XXYLT1: variants seen among roughly 807,000 people sequenced by gnomAD.
XXYLT1 encodes xyloside xylosyltransferase 1.
A neutral mutation model predicts 28.9 loss-of-function variants in XXYLT1; 20 were observed. The ratio of observed to expected loss-of-function variants is 0.69; its 90% CI spans 0.49 to 1.00. The LOEUF is 1.00. Ranked by LOEUF, XXYLT1 falls within the 50% of genes least tolerant of loss-of-function variation. XXYLT1 has a pLI of 0.00. For missense variants in XXYLT1, 542 were observed against 560.1 expected, an observed-to-expected ratio of 0.97 and a Z score of 0.33; for synonymous variants, 257 against 253.8, an observed-to-expected ratio of 1.01 and a Z score of -0.12.
intron 1 of XXYLT1, among the ~76,000 whole-genome samples, chr3:195,228,614 A>G (rs113792251): frequency 0.078 from 11,485 of 147,216 alleles, 674 homozygotes; most frequent in African/African-American, 0.16. Flanking sequence ...TCAGCCTCCC[A>G]AGTATCTGGG....
At chr3:195,107,890 G>A (rs1216714086) in intron 3 of XXYLT1, among the ~76,000 whole-genome samples, 10 of 151,982 alleles carry the variant, frequency 6.6e-5, no homozygotes, top group East Asian at 5.8e-4. Flanking sequence ...CCAGGCCTCC[G>A]CACAGTGGGG....
intron 3 of XXYLT1, among the ~76,000 whole-genome samples, chr3:195,108,097 T>C (rs1175776248): frequency 6.6e-6 from 1 of 152,232 alleles, no homozygotes; most frequent in Non-Finnish European, 1.5e-5. Context: ...TGGCCTTTCA[T>C]CTTACAGAGA....
intron 1 of XXYLT1, among the ~76,000 whole-genome samples, chr3:195,241,542 C>T (rs1187484035): frequency 6.6e-6 from 1 of 152,138 alleles, no homozygotes; most frequent in African/African-American, 2.4e-5. Context: ...TTCCAATTAA[C>T]CTGCACCAAG....
intron 2 of XXYLT1, among the ~76,000 whole-genome samples, chr3:195,191,249 C>G (rs574418863): frequency 6.6e-6 from 1 of 152,160 alleles, no homozygotes; most frequent in Admixed American, 6.5e-5. Context: ...CCTTCCACCT[C>G]CTCCACCTCT....
chr3:195,105,432 A>C (rs1313032311), intron 3 of XXYLT1, among the ~76,000 whole-genome samples: 1 of 152,250 alleles, frequency 6.6e-6, no homozygotes, highest in Non-Finnish European at 1.5e-5. Context: ...AGAAACAGAC[A>C]TATCTACACA....
intron 2 of XXYLT1, among the ~76,000 whole-genome samples, chr3:195,164,198 A>T (rs1269150568): frequency 6.6e-6 from 1 of 152,244 alleles, no homozygotes; most frequent in Admixed American, 6.5e-5. Flanking sequence ...TAGAGGCCCA[A>T]AGAGATTAGG....
At chr3:195,184,890 C>T (rs926888736) in intron 2 of XXYLT1, 15 of 847,370 alleles carry the variant, frequency 1.8e-5, no homozygotes, top group Middle Eastern at 6.0e-4. Context: ...AAGTTTGATC[C>T]CCGCATCATC....
intron 3 of XXYLT1, among the ~76,000 whole-genome samples, chr3:195,072,128 A>C (rs1479458167): frequency 2.0e-5 from 3 of 152,158 alleles, no homozygotes; most frequent in African/African-American, 7.2e-5. Flanking sequence ...CACAGGAAAG[A>C]TCACAGGGCT....
At chr3:195,160,993 T>C (rs1034353589) in intron 2 of XXYLT1, among the ~76,000 whole-genome samples, 7 of 152,172 alleles carry the variant, frequency 4.6e-5, no homozygotes, top group African/African-American at 1.2e-4. Context: ...GAATAGGGGC[T>C]ACAAAGGAAG....
At chr3:195,106,279 CTG>C (rs1560097340) in intron 3 of XXYLT1, among the ~76,000 whole-genome samples, 1 of 142,226 alleles carries the variant, frequency 7.0e-6, no homozygotes, top group South Asian at 2.1e-4. Flanking sequence ...GATGCTCTTG[CTG>C]TGTTTTTGAC....
chr3:195,112,680 G>A (rs1717830370), intron 3 of XXYLT1, among the ~76,000 whole-genome samples: 1 of 142,652 alleles, frequency 7.0e-6, no homozygotes, highest in South Asian at 2.2e-4. Context: ...GGAATAGTTG[G>A]ATGAAGCAGT....
At chr3:195,167,906 G>T (rs553755552) in intron 2 of XXYLT1, among the ~76,000 whole-genome samples, 1 of 152,186 alleles carries the variant, frequency 6.6e-6, no homozygotes, top group African/African-American at 2.4e-5. Flanking sequence ...GCAATGACCC[G>T]CTTAGAAAAA....
At chr3:195,127,918 G>A (rs1718718095) in intron 3 of XXYLT1, among the ~76,000 whole-genome samples, 2 of 152,226 alleles carry the variant, frequency 1.3e-5, no homozygotes, top group Admixed American at 6.5e-5. Context: ...AGGTAATTGT[G>A]CAAATGTGTA....
chr3:195,161,867 C>T (rs1050699431), intron 2 of XXYLT1, among the ~76,000 whole-genome samples: 2 of 152,084 alleles, frequency 1.3e-5, no homozygotes, highest in African/African-American at 4.8e-5. Flanking sequence ...ATCCGCCCAC[C>T]TTGGCCTCCC....
intron 1 of XXYLT1, among the ~76,000 whole-genome samples, chr3:195,248,412 G>A (rs1725121032): frequency 6.6e-6 from 1 of 152,210 alleles, no homozygotes; most frequent in Non-Finnish European, 1.5e-5. Context: ...CTGTGAAAGT[G>A]AGTAAGTCTC....
chr3:195,262,514 T>G (rs1034819585), intron 1 of XXYLT1, among the ~76,000 whole-genome samples: 1 of 152,256 alleles, frequency 6.6e-6, no homozygotes, highest in East Asian at 1.9e-4. Context: ...AAAAAAGTAA[T>G]TATCTATCTT....
rs1718544414 is a variant in XXYLT1, at chr3:195,124,998, T to C, written c.785+31451A>G. Among the ~76,000 whole-genome samples the C allele has an allele frequency of 6.6e-6, 1 of 152,250 alleles. No individual in the cohort carries two copies. Among genetic ancestry groups the C allele is most frequent in the East Asian group, 1.9e-4 (1 of 5,206 alleles). ...TCTCAGCTTCTTTCAAGCTAACCCA[T>C]TCTTTATTCATTTATTACACATTTA... On this transcript the variant is annotated intron_variant, in intron 3 of 3. Transcript: ENST00000310380. The surrounding 1 kb of genome is among the most constrained non-coding windows in gnomAD (Gnocchi z 4.1).
chr3:195,109,427 G>T (rs935591602), intron 3 of XXYLT1, among the ~76,000 whole-genome samples: 21 of 144,744 alleles, frequency 1.5e-4, no homozygotes, highest in Admixed American at 3.5e-4. Context: ...GTGTGTGTTG[G>T]TGGTGTATGA....
At position 195,270,711 on chromosome 3, in the gene XXYLT1, G is replaced by C; in HGVS notation, c.348C>G (p.Ala116=). The change falls in exon 1 of 4, where the codon GCC becomes GCG. Residue 116 remains alanine, a synonymous_variant. Coordinates refer to ENST00000310380, the MANE Select transcript of XXYLT1 (RefSeq NM_152531.5). ...TKAEHNAALQ[A]KARVALRSLL... The stretch of plus-strand genomic sequence containing the variant: ...GTGAGCGCAGCGCGACGCGGGCCTT[G>C]GCCTGCAGCGCGGCATTGTGCTCCG... The C allele has an allele frequency of 6.3e-7, 1 of 1,590,544 alleles. No homozygotes were observed. Among genetic ancestry groups the C allele is most frequent in the South Asian group, 1.1e-5 (1 of 88,556 alleles).
Sources: gnomAD v4.1 joint callset for allele counts (sites outside exome capture counted in the v4.1 genomes callset) on GRCh38, gnomAD v4.1.1 for gene constraint, Gnocchi (gnomAD v3.1) non-coding constraint, MANE v1.5 for transcripts, NCBI Gene and HGNC (gene_info 2026-07-23, HGNC 2026-07-21) for gene names.